Variants in MALRD1 observed in about 807,000 individuals in gnomAD.
MALRD1 encodes the protein MAM and LDL receptor class A domain containing 1, also known as MAM and LDL-receptor class A domain-containing protein 1.
MALRD1 carries 247 observed loss-of-function variants against 242.1 expected under a neutral mutation model. The ratio of observed to expected loss-of-function variants is 1.02; its 90% confidence interval spans 0.92 to 1.13. The LOEUF is 1.13. Among genes scored for constraint, MALRD1 ranks in the 50% most tolerant of loss-of-function variants. The pLI is 0.00. For synonymous variants in MALRD1, 995 were observed against 866.6 expected (o/e 1.15, Z -2.60); for missense variants, 2,989 against 2,533.1 (o/e 1.18, Z -3.86).
At chr10:19,553,115 G>T (rs896965179) in intron 32 of MALRD1, among the ~76,000 whole-genome samples, 1 of 151,890 alleles carries the variant, frequency 6.6e-6, no homozygotes, top group African/African-American at 2.4e-5. Flanking sequence ...ATATGCACTC[G>T]TGTTCACCTT....
chr10:19,574,710 T>C (rs752730392), intron 33 of MALRD1, among the ~76,000 whole-genome samples: 5 of 152,106 alleles, frequency 3.3e-5, no homozygotes, highest in Admixed American at 2.0e-4. Flanking sequence ...AAATAGATGA[T>C]TGCTTAAATC....
chr10:19,155,394 G>C (rs1834106621), intron 12 of MALRD1, among the ~76,000 whole-genome samples: 2 of 152,102 alleles, frequency 1.3e-5, no homozygotes. Context: ...GCTTTCTGTT[G>C]TTTTATATTC....
At chr10:19,271,628 T>C (rs781624785) in intron 19 of MALRD1, among the ~76,000 whole-genome samples, 108 of 152,152 alleles carry the variant, frequency 7.1e-4, no homozygotes, top group Non-Finnish European at 1.3e-3. Context: ...CCAGGTGTGG[T>C]GGCACACACC....
At chr10:19,636,413 A>ATAATGTTGG (rs1176342594) in intron 36 of MALRD1, among the ~76,000 whole-genome samples, 1 of 152,232 alleles carries the variant, frequency 6.6e-6, no homozygotes, top group Non-Finnish European at 1.5e-5. Context: ...CAATTGGGAT[A>ATAATGTTGG]TAATGTTGGT....
chr10:19,128,168 C>G (rs1588585441), intron 7 of MALRD1, 53 bp from the exon 8 acceptor site: 2 of 1,173,712 alleles, frequency 1.7e-6, no homozygotes, highest in East Asian at 3.2e-5. Context: ...TTTAGTCAGA[C>G]AGAAAGAAGC....
intron 4 of MALRD1, among the ~76,000 whole-genome samples, chr10:19,099,957 C>T (rs10740841): frequency 0.54 from 81,356 of 151,574 alleles, 21,932 homozygotes; most frequent in Middle Eastern, 0.59. Flanking sequence ...GATGGGGTTT[C>T]GCCATGTTGG....
intron 21 of MALRD1, among the ~76,000 whole-genome samples, chr10:19,311,931 T>C (rs1253288206): frequency 1.3e-5 from 2 of 151,522 alleles, no homozygotes; most frequent in Non-Finnish European, 3.0e-5. Context: ...TGTGGTGATA[T>C]TTGTTTACCT....
chr10:19,673,207 C>G (rs12357862), intron 36 of MALRD1, among the ~76,000 whole-genome samples: 17,576 of 151,854 alleles, frequency 0.12, 1,760 homozygotes, highest in African/African-American at 0.27. Context: ...ATGGTGAAAC[C>G]CCATCTCTAC....
intron 18 of MALRD1, among the ~76,000 whole-genome samples, chr10:19,244,428 G>C (rs533684426): frequency 8.5e-5 from 13 of 152,158 alleles, no homozygotes; most frequent in African/African-American, 2.9e-4. Flanking sequence ...AATATTAGCT[G>C]GATATGGTGG....
intron 36 of MALRD1, among the ~76,000 whole-genome samples, chr10:19,616,766 A>G (rs1358849976): frequency 6.6e-6 from 1 of 152,034 alleles, no homozygotes; most frequent in African/African-American, 2.4e-5. Flanking sequence ...TCCTAAAAAA[A>G]TTCTACCAAT....
intron 14 of MALRD1, among the ~76,000 whole-genome samples, chr10:19,199,911 A>T (rs1021158262): frequency 3.9e-5 from 6 of 152,210 alleles, no homozygotes; most frequent in Admixed American, 3.3e-4. Context: ...AGGCAGGAGG[A>T]CCCTTGAGGC....
At chr10:19,695,138 G>C (rs1278222255) in intron 38 of MALRD1, among the ~76,000 whole-genome samples, 1 of 152,070 alleles carries the variant, frequency 6.6e-6, no homozygotes, top group African/African-American at 2.4e-5. Context: ...GAGTTAATGG[G>C]TGCAGCACAC....
intron 24 of MALRD1, among the ~76,000 whole-genome samples, chr10:19,340,492 A>G (rs1826319094): frequency 6.6e-6 from 1 of 152,012 alleles, no homozygotes; most frequent in South Asian, 2.1e-4. Flanking sequence ...AAATAGGAGG[A>G]AAAGGGCACA....
chr10:19,076,632 TG>T (rs1407966874), intron 2 of MALRD1, among the ~76,000 whole-genome samples: 1 of 152,034 alleles, frequency 6.6e-6, no homozygotes, highest in Non-Finnish European at 1.5e-5. Context: ...GCGATTGCAT[TG>T]ATCTTTCTGC....
chr10:19,671,478 T>C (rs1841916756), intron 36 of MALRD1, among the ~76,000 whole-genome samples: 2 of 152,062 alleles, frequency 1.3e-5, no homozygotes, highest in Admixed American at 1.3e-4. Flanking sequence ...ATTAGTCAAG[T>C]GTGGTGGCAT....
intron 19 of MALRD1, among the ~76,000 whole-genome samples, chr10:19,260,919 C>G (rs12245135): frequency 0.085 from 12,887 of 152,030 alleles, 742 homozygotes; most frequent in African/African-American, 0.16. Context: ...CTCCAGTTTA[C>G]AGATATGAAA....
chr10:19,537,402 C>T (rs578189115), intron 32 of MALRD1, among the ~76,000 whole-genome samples: 66 of 149,788 alleles, frequency 4.4e-4, no homozygotes, highest in Admixed American at 1.6e-3. Flanking sequence ...CTGGAGGCTG[C>T]GAAGTCCAAG....
intron 6 of MALRD1, among the ~76,000 whole-genome samples, chr10:19,124,167 T>C (rs1837168683): frequency 6.6e-6 from 1 of 152,026 alleles, no homozygotes; most frequent in Admixed American, 6.6e-5. Flanking sequence ...CAGTGGGCTA[T>C]GATTGCACCA....
intron 31 of MALRD1, among the ~76,000 whole-genome samples, chr10:19,514,831 A>C (rs931315072): frequency 6.6e-6 from 1 of 152,112 alleles, no homozygotes; most frequent in African/African-American, 2.4e-5. Flanking sequence ...CTAAAGGCAG[A>C]CCAATACTCC....
Sources: gnomAD v4.1 joint callset for allele counts (sites outside exome capture counted in the v4.1 genomes callset) on GRCh38, gnomAD v4.1.1 for gene constraint, MANE v1.5 for transcripts, NCBI Gene and HGNC (gene_info 2026-07-23, HGNC 2026-07-21) for gene names.